The following C6 variants were observed in gnomAD, a reference collection of about 807,000 sequenced individuals.
C6 encodes the protein complement component C6.
Under a neutral mutation model 112.9 loss-of-function variants are expected in C6, and 101 were observed. The observed-to-expected ratio is 0.89, with a 90% CI of 0.76 to 1.06. The LOEUF (loss-of-function observed/expected upper bound fraction) is 1.06, where lower values mean the gene tolerates loss of function less well. Among genes scored for constraint, C6 ranks in the 50% least tolerant of loss-of-function variants. The pLI is 0.00. For synonymous variants in C6, 431 were observed against 384.1 expected, an observed-to-expected ratio of 1.12 and a Z score of -1.43; for missense variants, 1,202 against 1,104.6, an observed-to-expected ratio of 1.09 and a Z score of -1.25.
intron 1 of C6, among the ~76,000 whole-genome samples, chr5:41,208,947 A>G (rs1751668539): frequency 6.6e-6 from 1 of 152,202 alleles, no homozygotes; most frequent in Non-Finnish European, 1.5e-5. Flanking sequence ...AATATCCCTG[A>G]TGAACATCGA....
chr5:41,204,545 G>T (rs992152461), intron 1 of C6, among the ~76,000 whole-genome samples: 6 of 152,050 alleles, frequency 3.9e-5, no homozygotes, highest in Non-Finnish European at 8.8e-5. Context: ...AAAAATAAAT[G>T]GGGTTCATCA....
rs1554029750 is a variant in C6 at position 41,200,891 on chromosome 5, G to GTTTTGTTTTTTTTTTTTTTT, written c.300+666_300+667insAAAAAAAAAAAAAAACAAAA. Among the ~76,000 whole-genome samples the GTTTTGTTTTTTTTTTTTTTT allele has an allele frequency of 5.0e-4, 35 of 70,648 alleles. 1 individual carries two copies. The highest frequency in any genetic ancestry group is 7.0e-4 in the Admixed American group (4 of 5,750). The allele number at this position is 70,648 out of a possible 152,430, so 46.3% of individuals were successfully genotyped here. ...TGTTTTTGTTGTTGTTGTTGTTGTT[G>GTTTTGTTTTTTTTTTTTTTT]TTTTTTTTTTTTTTTTTTTTTTTTT... On this transcript the variant is annotated intron_variant, in intron 3 of 17. Transcript: ENST00000337836.
chr5:41,143,292 A>G (rs1745518111), intron 17 of C6, among the ~76,000 whole-genome samples: 1 of 152,178 alleles, frequency 6.6e-6, no homozygotes, highest in Non-Finnish European at 1.5e-5. Flanking sequence ...GTAAGCTTAA[A>G]GAGTTGGCCT....
intron 9 of C6, among the ~76,000 whole-genome samples, chr5:41,171,400 C>A (rs933722835): frequency 5.3e-5 from 8 of 152,242 alleles, no homozygotes; most frequent in African/African-American, 1.9e-4. Flanking sequence ...GTCACTTAGT[C>A]TTCACAACAG....
chr5:41,206,281 A>C (rs1751428295), intron 1 of C6, among the ~76,000 whole-genome samples: 1 of 152,240 alleles, frequency 6.6e-6, no homozygotes, highest in South Asian at 2.1e-4. Context: ...CCAGAGCAGA[A>C]AAGCTGAAAA....
intron 4 of C6, among the ~76,000 whole-genome samples, chr5:41,197,404 A>G (rs1750695420): frequency 6.6e-6 from 1 of 152,176 alleles, no homozygotes; most frequent in South Asian, 2.1e-4. Flanking sequence ...TGTTTTCAGG[A>G]CAGAACAGAA....
intron 15 of C6, among the ~76,000 whole-genome samples, chr5:41,151,375 G>A (rs779279579): frequency 1.9e-4 from 29 of 152,028 alleles, no homozygotes; most frequent in Non-Finnish European, 3.5e-4. Flanking sequence ...ATGATTCTTC[G>A]GTTTCTGATT....
At chr5:41,200,891 G>GTTTTTTTTTTTTTTTTTTTTT (rs143443464) in intron 3 of C6, among the ~76,000 whole-genome samples, 5 of 70,650 alleles carry the variant, frequency 7.1e-5, no homozygotes, top group African/African-American at 1.3e-4. Context: ...TGTTGTTGTT[G>GTTTTTTTTTTTTTTTTTTTTT]TTTTTTTTTT....
chr5:41,186,345 CG>C, intron 5 of C6, 137 bp from the exon 6 acceptor site: 2 of 918,056 alleles, frequency 2.2e-6, no homozygotes, highest in Non-Finnish European at 3.3e-6. Context: ...CCCACACCTC[CG>C]CTTTTTTTTC....
chr5:41,199,906 C>T lies in C6; in HGVS notation c.307G>A (p.Val103Ile), dbSNP rs780494075. The T allele has an allele frequency of 1.2e-6, 2 of 1,613,418 alleles. No individual in the cohort carries two copies. Among genetic ancestry groups the T allele is most frequent in the African/African-American group, 1.3e-5 (1 of 74,874 alleles). The part of the protein sequence containing the change: ...CDPCIEKQSK[V>I]RSVLRPSQFG... ...TGACTGGGACGCAAGACAGATCTAA[C>T]TTTAGACTGAAAGGAAAGAAGAGAA... The change falls in exon 4 of 18, where the codon GTT becomes ATT. Residue 103 changes from valine (V) to isoleucine (I), a missense_variant. Val to Ile is a conservative substitution (Grantham distance 29). Coordinates refer to ENST00000337836, the MANE Select transcript of C6 (RefSeq NM_000065.5).
rs1404234573 is a variant in C6 at position 41,204,667 on chromosome 5, TTTC to T, written c.-20-1420_-20-1418del. The stretch of plus-strand genomic sequence containing the variant: ...GTTAATAAATCAGTAAGCTTTTTTT[TTTC>T]TTTTTTTTTTTTTTTTTGAGATGGA... On this transcript the variant is annotated intron_variant, in intron 1 of 17. Coordinates refer to ENST00000337836, the MANE Select transcript of C6 (RefSeq NM_000065.5). Among the ~76,000 whole-genome samples the T allele has an allele frequency of 2.7e-4, 39 of 146,780 alleles. 1 individual carries two copies. The highest frequency in any genetic ancestry group is 9.8e-4 in the African/African-American group (37 of 37,884).
At chr5:41,221,981 A>G (rs113687261) in intron 1 of C6, among the ~76,000 whole-genome samples, 1,530 of 152,122 alleles carry the variant, frequency 0.01, 33 homozygotes, top group African/African-American at 0.035. Flanking sequence ...CCTGACCAAC[A>G]TGGTGAAACC....
intron 6 of C6, among the ~76,000 whole-genome samples, chr5:41,184,630 C>A (rs1179847599): frequency 6.6e-6 from 1 of 152,116 alleles, no homozygotes; most frequent in East Asian, 1.9e-4. Context: ...CACCACTACG[C>A]CCAGCTAAGT....
At chr5:41,259,837 A>T (rs1741936247) in intron 1 of C6, among the ~76,000 whole-genome samples, 1 of 152,210 alleles carries the variant, frequency 6.6e-6, no homozygotes, top group Admixed American at 6.5e-5. Flanking sequence ...TCAGCTTTCA[A>T]TAGGGGTGCT....
Position 41,155,091 on chromosome 5 carries a change from A to T in C6, c.1982T>A (p.Leu661Gln), listed in dbSNP as rs1746770250. The T allele has an allele frequency of 1.9e-6, 3 of 1,613,454 alleles. No individual in the cohort carries two copies. The highest frequency in any genetic ancestry group is 2.5e-6 in the Non-Finnish European group (3 of 1,179,618). The change falls in exon 14 of 18, where the codon CTA becomes CAA. Residue 661 changes from leucine to glutamine, a missense_variant. Coordinates refer to ENST00000337836, the MANE Select transcript of C6 (RefSeq NM_000065.5). ...TTCAACATCTTCTCCAACCAAGTAT[A>T]GTTGCTTTTCATTCTTAATTAAAGC... Reference protein sequence around the residue: ...ENGFIRNEKQLYLVGEDVEIS... With the variant: ...ENGFIRNEKQQYLVGEDVEIS...
At chr5:41,149,593 C>T in intron 16 of C6, 111 bp from the exon 17 acceptor site, 1 of 1,348,492 alleles carries the variant, frequency 7.4e-7, no homozygotes, top group Non-Finnish European at 1.1e-6. Flanking sequence ...TGCCTGTTTT[C>T]CCCACCCCAC....
chr5:41,154,100 TG>T, intron 14 of C6, 102 bp from the exon 15 acceptor site: 1 of 961,970 alleles, frequency 1.0e-6, no homozygotes, highest in Non-Finnish European at 1.6e-6. Flanking sequence ...TGAGATTTAC[TG>T]CATCTGTTCA....
intron 1 of C6, among the ~76,000 whole-genome samples, chr5:41,207,320 T>C (rs1751515659): frequency 6.6e-6 from 1 of 152,196 alleles, no homozygotes; most frequent in African/African-American, 2.4e-5. Context: ...CTGCATTAAC[T>C]AATGGGAAAA....
chr5:41,157,024 C>G (rs1165447996), intron 13 of C6, among the ~76,000 whole-genome samples: 1 of 152,082 alleles, frequency 6.6e-6, no homozygotes, highest in African/African-American at 2.4e-5. Context: ...CATCATTGCT[C>G]TAGCCTGGAA....
Sources: allele counts gnomAD v4.1 joint callset (sites outside exome capture counted in the v4.1 genomes callset), GRCh38; gene constraint gnomAD v4.1.1; transcripts MANE v1.5; gene names NCBI Gene and HGNC (gene_info 2026-07-23, HGNC 2026-07-21).